The following UNC5D variants were observed in gnomAD, a reference collection of about 807,000 sequenced individuals.
UNC5D encodes netrin receptor UNC5D.
A neutral mutation model predicts 105.4 loss-of-function variants in UNC5D; 39 were observed. The ratio of observed to expected loss-of-function variants is 0.37; its 90% CI spans 0.29 to 0.48. UNC5D has a LOEUF of 0.48. UNC5D is among the 20% of genes least tolerant of loss of function. The pLI is 0.98. For missense variants in UNC5D, 991 were observed against 1,202.4 expected (o/e 0.82, Z 2.60); for synonymous variants, 452 against 450.4 (o/e 1.00, Z -0.04).
intron 4 of UNC5D, among the ~76,000 whole-genome samples, chr8:35,642,529 T>C (rs1477917003): frequency 2.0e-5 from 3 of 152,006 alleles, no homozygotes. Context: ...ACACTCAGGC[T>C]TTAAGTAGGG....
intron 1 of UNC5D, among the ~76,000 whole-genome samples, chr8:35,437,446 C>A (rs866980254): frequency 2.0e-5 from 3 of 151,992 alleles, no homozygotes; most frequent in South Asian, 4.2e-4. Flanking sequence ...CAGGTCTTCC[C>A]CATATAATTG....
chr8:35,761,871 A>G (rs913131707), intron 14 of UNC5D, among the ~76,000 whole-genome samples: 1 of 152,130 alleles, frequency 6.6e-6, no homozygotes, highest in African/African-American at 2.4e-5. Context: ...TGTTCAGCCT[A>G]CTTGAACCTC....
At chr8:35,365,591 CAAAAAAAAAAAAAAA>C (rs10715369) in intron 1 of UNC5D, among the ~76,000 whole-genome samples, 2 of 49,884 alleles carry the variant, frequency 4.0e-5, no homozygotes, top group African/African-American at 8.1e-5. Flanking sequence ...CCATCCCCTG[CAAAAAAAAAAAAAAA>C]AAAAAAAAAA....
At chr8:35,376,113 G>A (rs1802687493) in intron 1 of UNC5D, among the ~76,000 whole-genome samples, 3 of 152,144 alleles carry the variant, frequency 2.0e-5, no homozygotes, top group Admixed American at 6.5e-5. Flanking sequence ...TTATCAAAAC[G>A]AATTGAAATG....
intron 1 of UNC5D, among the ~76,000 whole-genome samples, chr8:35,303,293 A>C (rs1303276525): frequency 6.6e-6 from 1 of 152,116 alleles, no homozygotes; most frequent in African/African-American, 2.4e-5. Context: ...CATGCCTAAA[A>C]GTTTTTCCAA....
intron 1 of UNC5D, among the ~76,000 whole-genome samples, chr8:35,546,357 T>A (rs911768266): frequency 1.3e-5 from 2 of 152,200 alleles, no homozygotes; most frequent in Non-Finnish European, 2.9e-5. Flanking sequence ...TGCTTTTAGA[T>A]CTCTCTGTAT....
intron 1 of UNC5D, among the ~76,000 whole-genome samples, chr8:35,510,701 T>C (rs1221849609): frequency 6.6e-6 from 1 of 152,154 alleles, no homozygotes; most frequent in African/African-American, 2.4e-5. Flanking sequence ...GCCTGCTGTC[T>C]ATAAGTTCGA....
intron 1 of UNC5D, among the ~76,000 whole-genome samples, chr8:35,263,582 A>G (rs1030106156): frequency 6.6e-6 from 1 of 152,216 alleles, no homozygotes; most frequent in Non-Finnish European, 1.5e-5. Flanking sequence ...TTTCTAAGTC[A>G]TAATGGAGTT....
At chr8:35,606,670 C>T (rs1820313855) in intron 4 of UNC5D, among the ~76,000 whole-genome samples, 1 of 152,126 alleles carries the variant, frequency 6.6e-6, no homozygotes, top group African/African-American at 2.4e-5. Context: ...ACCCCCACTG[C>T]TTGTTGAAGA....
At chr8:35,250,080 G>A (rs150547395) in intron 1 of UNC5D, among the ~76,000 whole-genome samples, 1 of 152,004 alleles carries the variant, frequency 6.6e-6, no homozygotes, top group Non-Finnish European at 1.5e-5. Flanking sequence ...ATTGGAACAC[G>A]TTAGATTAAA....
At chr8:35,414,481 T>C (rs763367710) in intron 1 of UNC5D, among the ~76,000 whole-genome samples, 2 of 152,130 alleles carry the variant, frequency 1.3e-5, no homozygotes, top group Non-Finnish European at 2.9e-5. Context: ...TAGTCCAATA[T>C]AGGTGTTCTA....
intron 1 of UNC5D, among the ~76,000 whole-genome samples, chr8:35,540,635 T>G (rs1170009186): frequency 2.0e-5 from 3 of 152,180 alleles, no homozygotes; most frequent in Admixed American, 6.5e-5. Context: ...TAAACTGTTA[T>G]GGGAACAGGT....
intron 4 of UNC5D, among the ~76,000 whole-genome samples, chr8:35,624,157 G>A (rs965236295): frequency 2.6e-5 from 4 of 152,148 alleles, no homozygotes; most frequent in Non-Finnish European, 5.9e-5. Context: ...GATCACGCAT[G>A]TTGTGAATGA....
At chr8:35,327,452 C>G (rs1810254560) in intron 1 of UNC5D, among the ~76,000 whole-genome samples, 1 of 152,150 alleles carries the variant, frequency 6.6e-6, no homozygotes, top group African/African-American at 2.4e-5. Context: ...TAAGAGAATT[C>G]TCAACTTACG....
chr8:35,435,973 C>T (rs962171719), intron 1 of UNC5D, among the ~76,000 whole-genome samples: 2 of 151,688 alleles, frequency 1.3e-5, no homozygotes, highest in African/African-American at 4.8e-5. Context: ...AAGTTTTAGC[C>T]ATGAAGTATA....
At position 35,389,426 on chromosome 8, in the gene UNC5D, G is replaced by C. The variant is rs1157263224; in HGVS notation, c.103+153539G>C. Reference sequence around the variant, plus strand: ...AATGCAGATGCTGCTGCAGGCTTTTGGACCACACTTTGAGTAACAGAGAAC... The same window carrying C: ...AATGCAGATGCTGCTGCAGGCTTTTCGACCACACTTTGAGTAACAGAGAAC... On this transcript the variant is annotated intron_variant, in intron 1 of 16. Coordinates refer to ENST00000404895, the MANE Select transcript of UNC5D (RefSeq NM_080872.4). Among the ~76,000 whole-genome samples the C allele has an allele frequency of 2.0e-5, 3 of 152,168 alleles. No homozygotes were observed. The East Asian group carries it at 5.8e-4, about 29-fold the overall frequency.
intron 16 of UNC5D, among the ~76,000 whole-genome samples, chr8:35,785,716 C>G (rs1409116749): frequency 6.6e-6 from 1 of 152,136 alleles, no homozygotes; most frequent in Non-Finnish European, 1.5e-5. Context: ...GAGAAACACA[C>G]TCACCCGTCC....
intron 1 of UNC5D, among the ~76,000 whole-genome samples, chr8:35,388,418 C>T (rs1023817879): frequency 3.9e-5 from 6 of 151,992 alleles, no homozygotes; most frequent in African/African-American, 1.2e-4. Flanking sequence ...GCCCCTTTTC[C>T]CTAAGTTGCC....
chr8:35,350,633 G>T (rs577981674), intron 1 of UNC5D, among the ~76,000 whole-genome samples: 1 of 151,912 alleles, frequency 6.6e-6, no homozygotes, highest in Admixed American at 6.6e-5. Flanking sequence ...TCATACTGGT[G>T]GTCCAAATGA....
Sources: gnomAD v4.1 joint callset for allele counts (sites outside exome capture counted in the v4.1 genomes callset) on GRCh38, gnomAD v4.1.1 for gene constraint, MANE v1.5 for transcripts, NCBI Gene and HGNC (gene_info 2026-07-23, HGNC 2026-07-21) for gene names.